ADAMTS15: variants seen among roughly 807,000 people sequenced by gnomAD.
ADAMTS15 encodes the protein ADAM metallopeptidase with thrombospondin type 1 motif 15.
A neutral mutation model predicts 79.1 loss-of-function variants in ADAMTS15; 35 were observed. The observed-to-expected ratio is 0.44, with a 90% CI of 0.34 to 0.59. The LOEUF (loss-of-function observed/expected upper bound fraction) is 0.59. Among genes scored for constraint, ADAMTS15 ranks in the 20% least tolerant of loss-of-function variants. The pLI, the probability that ADAMTS15 is intolerant of heterozygous loss-of-function variation, is 0.02. For synonymous variants in ADAMTS15, 616 were observed against 567.3 expected, an observed-to-expected ratio of 1.09 and a Z score of -1.22; for missense variants, 1,324 against 1,318.7, an observed-to-expected ratio of 1.00 and a Z score of -0.06.
At chr11:130,470,135 T>TATATATATATGTGTATATATAC (rs1565397514) in intron 5 of ADAMTS15, among the ~76,000 whole-genome samples, 4 of 62,408 alleles carry the variant, frequency 6.4e-5, no homozygotes, top group Non-Finnish European at 1.2e-4. Context: ...TATATATACA[T>TATATATATATGTGTATATATAC]ATATATATAT....
chr11:130,449,037 G>A lies in ADAMTS15; in HGVS notation c.64G>A (p.Glu22Lys). The change falls in exon 1 of 8, where the codon GAG (glutamate) becomes AAG (lysine). Residue 22 changes from glutamate (E) to lysine (K), a missense_variant. Transcript: ENST00000299164. This position sits in a 1 kb window ranked among gnomAD's most constrained non-coding sequence, Gnocchi z 7.8. Reference protein sequence around the residue: ...AGRTAGGSEPEREVVVPIRLD... With the variant: ...AGRTAGGSEPKREVVVPIRLD... ...GCGAACCGCTGGAGGCTCTGAGCCA[G>A]AGCGGGAGGTAGTCGTTCCCATCCG... 1 of 1,534,506 alleles carries A rather than the reference G, an allele frequency of 6.5e-7. No individual in the cohort carries two copies. Among genetic ancestry groups the A allele is most frequent in the Non-Finnish European group, 8.8e-7 (1 of 1,138,580 alleles).
Position 130,449,671 on chromosome 11 carries a change from T to C in ADAMTS15, c.698T>C (p.Phe233Ser). Residue 233 changes from phenylalanine (F) to serine (S), a missense_variant, in exon 1 of 8, where the codon TTC (phenylalanine) becomes TCC (serine). By Grantham distance (155) the Phe-to-Ser change is radical. Coordinates refer to ENST00000299164, the MANE Select transcript of ADAMTS15 (RefSeq NM_139055.4). The surrounding 1 kb of genome is among the most constrained non-coding windows in gnomAD (Gnocchi z 7.8). Reference sequence around the variant, plus strand: ...GTCGCGGACGAGTCAATGGTCAAGTTCCACGGCGCGGACCTGGAACATTAT... The same window carrying C: ...GTCGCGGACGAGTCAATGGTCAAGTCCCACGGCGCGGACCTGGAACATTAT... ...LVVADESMVK[F>S]HGADLEHYLL... 3 of 1,601,586 alleles carry C rather than the reference T, an allele frequency of 1.9e-6. No individual in the cohort carries two copies. The highest frequency in any genetic ancestry group is 2.6e-6 in the Non-Finnish European group (3 of 1,174,270).
chr11:130,460,883 G>A (rs187319500), intron 1 of ADAMTS15, among the ~76,000 whole-genome samples: 2 of 152,288 alleles, frequency 1.3e-5, no homozygotes, highest in East Asian at 3.9e-4. Context: ...CACTGAGCGT[G>A]TGTCCCCTTG....
chr11:130,473,951 G>T lies in ADAMTS15; in HGVS notation c.*130G>T. 7.7e-7 allele frequency: 1 copy of T among 1,303,170 alleles called. No individual in the cohort carries two copies. The highest frequency in any genetic ancestry group is 1.5e-5 in the South Asian group (1 of 65,752). 80.7% of individuals were successfully genotyped at this position (1,303,170 alleles called of 1,614,324 possible). A position where few individuals can be genotyped will look rare whatever the true frequency, so the allele number is the denominator to read the frequency against. On this transcript the variant is annotated 3_prime_UTR_variant, in exon 8 of 8. Transcript: ENST00000299164. ...GATGTCACCCACATCCGGGGACAAG[G>T]ACCATGGGCTGGGGCGAGAGGTTCC...
chr11:130,452,783 C>A (rs1462576865), intron 1 of ADAMTS15, among the ~76,000 whole-genome samples: 1 of 152,092 alleles, frequency 6.6e-6, no homozygotes, highest in South Asian at 2.1e-4. Flanking sequence ...GAGATCAAGA[C>A]CATCCTGGCC....
At chr11:130,461,748 C>T (rs1938203788) in intron 2 of ADAMTS15, 127 bp downstream of exon 2, 1 of 1,382,298 alleles carries the variant, frequency 7.2e-7, no homozygotes, top group South Asian at 1.4e-5. Context: ...CACAGTGAGC[C>T]TTAGCAGCAG....
In ADAMTS15 at chr11:130,448,866, C is replaced by A; in HGVS notation, c.-108C>A. 2.4e-6 allele frequency: 2 copies of A among 841,620 alleles called. No homozygotes were observed. The highest frequency in any genetic ancestry group is 3.8e-5 in the South Asian group (1 of 26,402). 52.1% of individuals were successfully genotyped at this position (841,620 alleles called of 1,614,324 possible). On this transcript the variant is annotated 5_prime_UTR_variant, in exon 1 of 8. Transcript: ENST00000299164. ...CTCCTTTCTGGGAACTGCCGGCTGT[C>A]CCGTAGCGTTGGCGGTTCCAGAGTG...
chr11:130,458,957 C>A (rs935779493), intron 1 of ADAMTS15, among the ~76,000 whole-genome samples: 1 of 151,832 alleles, frequency 6.6e-6, no homozygotes, highest in Non-Finnish European at 1.5e-5. Flanking sequence ...ACAGTTCACA[C>A]GCTGATCCAT....
In ADAMTS15 at chr11:130,461,626, G is replaced by C. The variant is rs371663424; in HGVS notation, c.1090+5G>C. 1.4e-4 allele frequency: 230 copies of C among 1,613,954 alleles called. No individual in the cohort carries two copies. The highest frequency in any genetic ancestry group is 1.9e-4 in the Non-Finnish European group (222 of 1,180,036). ...TCACCACTGCCCACGAGCTGGGTAA[G>C]GCTGGATAAGCTCCTCCTGGGGTCT... On this transcript the variant is annotated splice_donor_5th_base_variant and intron_variant, in intron 2 of 7. Coordinates refer to ENST00000299164, the MANE Select transcript of ADAMTS15 (RefSeq NM_139055.4).
Position 130,462,719 on chromosome 11 carries a change from G to A in ADAMTS15, c.1481G>A (p.Gly494Asp). Residue 494 changes from glycine (G) to aspartate (D), a missense_variant, in exon 4 of 8, where the codon GGC becomes GAC. By Grantham distance (94) the Gly-to-Asp change is moderately conservative. Transcript: ENST00000299164. The surrounding 1 kb of genome is among the most constrained non-coding windows in gnomAD (Gnocchi z 4.3). ...HFPWADGTSC[G>D]EGKLCLKGAC... ...CCCTGGGCCGATGGCACCAGCTGTG[G>A]CGAGGGCAAGCTCTGCCTCAAAGGG... 6.2e-7 allele frequency: 1 copy of A among 1,610,024 alleles called. No homozygotes were observed. The highest frequency in any genetic ancestry group is 8.5e-7 in the Non-Finnish European group (1 of 1,176,674).
rs548691190 is a variant in ADAMTS15 at position 130,459,776 on chromosome 11, G to C, written c.958-1713G>C. On this transcript the variant is annotated intron_variant, in intron 1 of 7. Transcript: ENST00000299164. The stretch of plus-strand genomic sequence containing the variant: ...GTGGGAAGCCAAGTTTGACTGCTCA[G>C]GTGGTAAACCTCTGAGTGCTTTGGA... Among the ~76,000 whole-genome samples, 3 of 152,348 alleles carry C rather than the reference G, an allele frequency of 2.0e-5. No individual in the cohort carries two copies. The East Asian group carries it at 5.8e-4, about 29-fold the overall frequency.
chr11:130,461,442 A>G, intron 1 of ADAMTS15, 47 bp from the exon 2 acceptor site: 1 of 1,612,920 alleles, frequency 6.2e-7, no homozygotes, highest in South Asian at 1.1e-5. Context: ...CCCTTCTGTC[A>G]CTGTCTCTAA....
rs1443922703 is a variant in ADAMTS15, at chr11:130,470,178, A to G, written c.1720+739A>G. 2.9e-4 allele frequency among the ~76,000 whole-genome samples: 15 copies of G among 51,560 alleles called. 2 individuals carry two copies. Among genetic ancestry groups the G allele is most frequent in the African/African-American group, 1.1e-3 (9 of 8,448 alleles). 33.8% of individuals were successfully genotyped at this position (51,560 alleles called of 152,430 possible). A position where few individuals can be genotyped will look rare whatever the true frequency, so the allele number is the denominator to read the frequency against. ...TGTATATATATATATATATATATATATATGTGTGTATATATATATATATAT... is the reference window on the plus strand; with the variant it reads ...TGTATATATATATATATATATATATGTATGTGTGTATATATATATATATAT... On this transcript the variant is annotated intron_variant, in intron 5 of 7. Transcript: ENST00000299164.
intron 4 of ADAMTS15, among the ~76,000 whole-genome samples, chr11:130,464,254 T>C (rs1938259592): frequency 6.6e-6 from 1 of 152,148 alleles, no homozygotes; most frequent in African/African-American, 2.4e-5. Flanking sequence ...GAAAATGCAG[T>C]CTGAGAAGCA....
In ADAMTS15 at chr11:130,469,293, A is replaced by C. The variant is rs574771646; in HGVS notation, c.1574A>C (p.Tyr525Ser). 2 of 1,402,144 alleles carry C rather than the reference A, an allele frequency of 1.4e-6. No homozygotes were observed. Among genetic ancestry groups the C allele is most frequent in the Admixed American group, 2.9e-5 (1 of 34,680 alleles). 86.9% of individuals were successfully genotyped at this position (1,402,144 alleles called of 1,614,324 possible). A position where few individuals can be genotyped will look rare whatever the true frequency, so the allele number is the denominator to read the frequency against. Reference protein sequence around the residue: ...VDGSWAKWDPYGPCSRTCGGG... With the variant: ...VDGSWAKWDPSGPCSRTCGGG... ...GGTTCCTGGGCCAAATGGGATCCCT[A>C]TGGCCCCTGCTCGCGCACATGTGGT... is the stretch of plus-strand genomic sequence containing the variant. The change falls in exon 5 of 8, where the codon TAT becomes TCT. Residue 525 changes from tyrosine (Y) to serine (S), a missense_variant. Transcript: ENST00000299164.
Position 130,462,550 on chromosome 11 carries a change from C to A in ADAMTS15, c.1312C>A (p.Pro438Thr), listed in dbSNP as rs768098745. Reference protein sequence around the residue: ...SKPISLPEDLPGASYTLSQQC... With the variant: ...SKPISLPEDLTGASYTLSQQC... ...GCCCATCTCCCTGCCCGAGGATCTG[C>A]CGGGCGCCAGCTACACCCTGAGCCA... is the stretch of plus-strand genomic sequence containing the variant. The change falls in exon 4 of 8, where the codon CCG (proline) becomes ACG (threonine). Residue 438 changes from proline to threonine, a missense_variant. By Grantham distance (38) the Pro-to-Thr change is conservative. Transcript: ENST00000299164. The surrounding 1 kb of genome is among the most constrained non-coding windows in gnomAD (Gnocchi z 4.3). 6.2e-7 allele frequency: 1 copy of A among 1,611,376 alleles called. No individual in the cohort carries two copies. The highest frequency in any genetic ancestry group is 2.2e-5 in the East Asian group (1 of 44,764).
chr11:130,458,399 ACT>A (rs1462809473), intron 1 of ADAMTS15, among the ~76,000 whole-genome samples: 4 of 151,948 alleles, frequency 2.6e-5, no homozygotes, highest in Non-Finnish European at 5.9e-5. Context: ...GGGGAACAGG[ACT>A]CTGAATCTCC....
At chr11:130,467,603 G>C (rs1355932099) in intron 4 of ADAMTS15, among the ~76,000 whole-genome samples, 1 of 152,096 alleles carries the variant, frequency 6.6e-6, no homozygotes, top group African/African-American at 2.4e-5. Context: ...TGTGAGGGAC[G>C]GTCGGTGGCA....
intron 1 of ADAMTS15, among the ~76,000 whole-genome samples, chr11:130,454,187 C>T (rs1377554139): frequency 1.3e-5 from 2 of 152,194 alleles, no homozygotes; most frequent in Non-Finnish European, 2.9e-5. Context: ...TTCCTCTCCT[C>T]TCACTCTTCT....
Sources: gnomAD v4.1 joint callset for allele counts (sites outside exome capture counted in the v4.1 genomes callset) on GRCh38, gnomAD v4.1.1 for gene constraint, Gnocchi (gnomAD v3.1) non-coding constraint, MANE v1.5 for transcripts, NCBI Gene and HGNC (gene_info 2026-07-23, HGNC 2026-07-21) for gene names.